The following FAAP20 variants were observed in gnomAD, a reference collection of about 807,000 sequenced individuals.
The protein encoded by FAAP20 is FA core complex associated protein 20.
A neutral mutation model predicts 16.2 loss-of-function variants in FAAP20; 12 were observed. The observed-to-expected ratio is 0.74, with a 90% CI of 0.48 to 1.20. The LOEUF is 1.20. FAAP20 is among the 50% of genes most tolerant of loss of function. The pLI is 0.00. For synonymous variants in FAAP20, 141 were observed against 110.7 expected (o/e 1.27, Z -1.72); for missense variants, 288 against 245.8 (o/e 1.17, Z -1.15).
chr1:2,199,170 A>C (rs1688943078), upstream of FAAP20: 2 of 1,179,098 alleles, frequency 1.7e-6, no homozygotes, highest in Non-Finnish European at 2.1e-6. This position sits in a 1 kb window ranked among gnomAD's most constrained non-coding sequence, Gnocchi z 4.5. Flanking sequence ...CATCCCAGCC[A>C]TGGCCTGTGT....
chr1:2,190,472 C>A, intron 3 of FAAP20: 1 of 444,784 alleles, frequency 2.2e-6, no homozygotes. Flanking sequence ...CTGAGCGCAG[C>A]CACCTTCTAT....
downstream of FAAP20, among the ~76,000 whole-genome samples, chr1:2,186,502 C>CCG (rs1557771090): frequency 1.3e-5 from 2 of 149,620 alleles, 1 homozygote; most frequent in Non-Finnish European, 3.0e-5. Flanking sequence ...ACCCGCCCCC[C>CCG]CCCGGCCAGC....
At chr1:2,191,117 C>T (rs896190398) in intron 3 of FAAP20, 1 of 152,440 alleles carries the variant, frequency 6.6e-6, no homozygotes, top group African/African-American at 2.4e-5. Context: ...GCCCCTCCCT[C>T]CAGAAGCTTT....
At chr1:2,193,963 C>G in intron 2 of FAAP20, 35 bp downstream of exon 2, 1 of 1,612,264 alleles carries the variant, frequency 6.2e-7, no homozygotes, top group Non-Finnish European at 8.5e-7. Context: ...GCCCTGGAAA[C>G]CCCTTCATCG....
chr1:2,186,615 A>AGT, downstream of FAAP20, among the ~76,000 whole-genome samples: 1 of 152,200 alleles, frequency 6.6e-6, no homozygotes, highest in Admixed American at 6.5e-5. Context: ...CCCAGGGCAG[A>AGT]GTCCAGGAGC....
intron 3 of FAAP20, chr1:2,191,728 G>A (rs1193864396): frequency 9.3e-5 from 59 of 631,318 alleles, no homozygotes; most frequent in East Asian, 1.4e-4. Context: ...GCGACAGAGC[G>A]AGACACCGTC....
upstream of FAAP20, among the ~76,000 whole-genome samples, chr1:2,194,947 T>TGGCGTGAGGGTGGGGGGCCC (rs1688742747): frequency 2.0e-5 from 3 of 151,338 alleles, no homozygotes; most frequent in Non-Finnish European, 4.4e-5. Flanking sequence ...CAGGGGGGCC[T>TGGCGTGAGGGTGGGGGGCCC]GGCGTGAGGG....
At chr1:2,201,221 T>C (rs553028352), upstream of FAAP20, 46 of 1,207,176 alleles carry the variant, frequency 3.8e-5, no homozygotes, top group African/African-American at 6.4e-4. Flanking sequence ...CCTCCCTCGC[T>C]GCCCCTGTGT....
chr1:2,189,986 G>A (rs1687999571), intron 3 of FAAP20: 5 of 626,250 alleles, frequency 8.0e-6, no homozygotes, highest in South Asian at 5.3e-5. Flanking sequence ...TGCCCGTGAG[G>A]AGGCCACGCC....
At chr1:2,205,740 G>A (rs1689235292) in intron 3 of FAAP20, among the ~76,000 whole-genome samples, 1 of 152,244 alleles carries the variant, frequency 6.6e-6, no homozygotes, top group Non-Finnish European at 1.5e-5. Context: ...GGCCTCAGTG[G>A]CGCGCCCGGG....
chr1:2,200,665 C>T (rs927202141), upstream of FAAP20: 14 of 986,900 alleles, frequency 1.4e-5, no homozygotes, highest in African/African-American at 3.5e-5. Context: ...CCAGGAGACA[C>T]GCAGCAGGCT....
At chr1:2,191,676 T>C (rs1317023514) in intron 3 of FAAP20, 2 of 228,188 alleles carry the variant, frequency 8.8e-6, no homozygotes, top group African/African-American at 4.7e-5. Flanking sequence ...GGGAGGCAGA[T>C]GTTGCAGTGA....
chr1:2,196,008 G>A (rs947012677), upstream of FAAP20, among the ~76,000 whole-genome samples: 1 of 152,176 alleles, frequency 6.6e-6, no homozygotes, highest in Admixed American at 6.5e-5. The surrounding 1 kb of genome is among the most constrained non-coding windows in gnomAD (Gnocchi z 4.5). Context: ...GTGGTCTCAG[G>A]GGGCCCTGTG....
chr1:2,205,027 G>A (rs1569590388), intron 3 of FAAP20, among the ~76,000 whole-genome samples: 1 of 62,600 alleles, frequency 1.6e-5, no homozygotes, highest in East Asian at 5.8e-4. Context: ...CCCACGCCCC[G>A]CCCCTCCCAC....
chr1:2,194,735 C>G lies in FAAP20; in HGVS notation c.15G>C (p.Arg5=). The change falls in exon 1 of 4, where the codon CGG becomes CGC. Residue 5 remains arginine, a synonymous_variant. Coordinates refer to ENST00000378546, the MANE Select transcript of FAAP20 (RefSeq NM_182533.4). ...GGCGGCTCAACCCCAGCCGCGGCCT[C>G]CGCGCCGCCTCCATCCAAGCCCGCG... The part of the protein sequence containing the change: MEAA[R]RPRLGLSRRR... 8.4e-7 allele frequency: 1 copy of G among 1,196,004 alleles called. No individual in the cohort carries two copies. The allele number at this position is 1,196,004 out of a possible 1,614,324, so 74.1% of individuals were successfully genotyped here. A position where few individuals can be genotyped will look rare whatever the true frequency, so the allele number is the denominator to read the frequency against.
downstream of FAAP20, among the ~76,000 whole-genome samples, chr1:2,209,149 G>T (rs561480165): frequency 2.0e-5 from 3 of 151,006 alleles, no homozygotes; most frequent in East Asian, 2.0e-4. Context: ...CCCCTCCCTC[G>T]CGTCCTCTCT....
upstream of FAAP20, among the ~76,000 whole-genome samples, chr1:2,195,194 A>T (rs938638513): frequency 3.4e-4 from 52 of 152,300 alleles, no homozygotes; most frequent in African/African-American, 1.2e-3. Context: ...CCGTTTCTTT[A>T]CAAAAGGCGG....
chr1:2,190,711 C>A lies in FAAP20; in HGVS notation c.471-930G>T, dbSNP rs533825677. Reference sequence around the variant, plus strand: ...TAGATCTTGCTGGAGGCCAAGTGGTCAGTGTCCCATCAGAGTGACCATCCC... The same window carrying A: ...TAGATCTTGCTGGAGGCCAAGTGGTAAGTGTCCCATCAGAGTGACCATCCC... On this transcript the variant is annotated intron_variant, in intron 3 of 3. Coordinates refer to ENST00000378546, the MANE Select transcript of FAAP20 (RefSeq NM_182533.4). 7.3e-5 allele frequency: 24 copies of A among 327,986 alleles called. No individual in the cohort carries two copies. In the East Asian group the frequency reaches 1.9e-3, roughly 25 times the overall value. 20.3% of individuals were successfully genotyped at this position (327,986 alleles called of 1,614,324 possible).
chr1:2,192,797 G>A, intron 3 of FAAP20: 1 of 1,129,178 alleles, frequency 8.9e-7, no homozygotes, highest in Non-Finnish European at 1.2e-6. Context: ...ATGGGATCTT[G>A]CCATGTTGCC....
Sources: allele counts gnomAD v4.1 joint callset (sites outside exome capture counted in the v4.1 genomes callset), GRCh38; gene constraint gnomAD v4.1.1; non-coding constraint Gnocchi (gnomAD v3.1); transcripts MANE v1.5; gene names NCBI Gene and HGNC (gene_info 2026-07-23, HGNC 2026-07-21).